Variants in OIT3 observed in about 807,000 individuals in gnomAD.
The protein encoded by OIT3 is oncoprotein-induced transcript 3 protein.
In OIT3, 41 loss-of-function variants were observed where a neutral mutation model predicts 52.2. That is an observed-to-expected ratio of 0.79 (90% CI 0.61 to 1.02). OIT3 has a LOEUF of 1.02. Ranked by LOEUF, OIT3 falls within the 50% of genes least tolerant of loss-of-function variation. The pLI is 0.00. For missense variants in OIT3, 634 were observed against 715.5 expected (o/e 0.89, Z 1.30); for synonymous variants, 244 against 276.9 (o/e 0.88, Z 1.18).
At position 72,893,825 on chromosome 10, in the gene OIT3, C is replaced by T. The variant is rs748970796; in HGVS notation, c.27C>T (p.Cys9=). 6.2e-7 allele frequency: 1 copy of T among 1,610,606 alleles called. No individual in the cohort carries two copies. The highest frequency in any genetic ancestry group is 8.5e-7 in the Non-Finnish European group (1 of 1,178,506). MPPFLLLT[C]LFITGTSVSP... ...TGCCTCCATTCCTGCTTCTCACCTG[C>T]CTCTTCATCACAGGCACCTCCGTGT... is the stretch of plus-strand genomic sequence containing the variant. Residue 9 remains cysteine (C), a synonymous_variant, in exon 1 of 9, where the codon TGC becomes TGT. Transcript: ENST00000334011.
At chr10:72,918,014 ATCT>A in intron 6 of OIT3, 2 of 819,736 alleles carry the variant, frequency 2.4e-6, no homozygotes, top group Non-Finnish European at 4.2e-6. Context: ...CATCATCTTC[ATCT>A]TCTTCATCGT....
chr10:72,920,122 C>T (rs904648524), intron 6 of OIT3, among the ~76,000 whole-genome samples: 4 of 151,986 alleles, frequency 2.6e-5, no homozygotes, highest in African/African-American at 9.7e-5. Context: ...AATTTCAGAG[C>T]CTCATTGTTG....
chr10:72,898,638 C>T (rs1402634502), intron 1 of OIT3, 26 bp from the exon 2 acceptor site: 1 of 1,582,462 alleles, frequency 6.3e-7, no homozygotes, highest in Admixed American at 1.7e-5. Context: ...ACTCCAGGTA[C>T]TCTGAGGTAT....
Position 72,924,348 on chromosome 10 carries a change from G to A in OIT3, c.1071G>A (p.Glu357=). The A allele has an allele frequency of 6.2e-7, 1 of 1,614,170 alleles. No individual in the cohort carries two copies. Among genetic ancestry groups the A allele is most frequent in the Non-Finnish European group, 8.5e-7 (1 of 1,180,028 alleles). ...TSKLLIPVTC[E]FPRLYTISEG... ...AGCTGCTGATCCCGGTGACCTGCGA[G>A]TTTCCACGCCTGTACACCATTTCTG... The change falls in exon 7 of 9, where the codon GAG becomes GAA. Residue 357 remains glutamate (E), a synonymous_variant. Coordinates refer to ENST00000334011, the MANE Select transcript of OIT3 (RefSeq NM_152635.3).
At chr10:72,924,726 A>G (rs563175228) in intron 7 of OIT3, 82 bp downstream of exon 7, 8 of 1,121,438 alleles carry the variant, frequency 7.1e-6, no homozygotes, top group Middle Eastern at 5.2e-4. Context: ...TCATTTACTA[A>G]AACTGCATGG....
intron 6 of OIT3, among the ~76,000 whole-genome samples, chr10:72,921,675 C>CTT (rs34710217): frequency 1.5e-5 from 2 of 133,376 alleles, no homozygotes; most frequent in African/African-American, 2.7e-5. Flanking sequence ...TTCTTTCTTT[C>CTT]TTTTTTTTTT....
intron 7 of OIT3, 96 bp from the exon 8 acceptor site, chr10:72,930,442 C>T: frequency 3.4e-6 from 3 of 870,554 alleles, no homozygotes; most frequent in Non-Finnish European, 5.9e-6. Context: ...CCTCCTCCAC[C>T]CCTTTGGCTC....
intron 6 of OIT3, among the ~76,000 whole-genome samples, chr10:72,914,468 T>C (rs1375362316): frequency 6.6e-6 from 1 of 152,206 alleles, no homozygotes; most frequent in Admixed American, 6.5e-5. Flanking sequence ...AGAAAGCTGA[T>C]TCGACTTGCA....
chr10:72,893,899 G>A (rs755357435), intron 1 of OIT3, 40 bp downstream of exon 1: 3 of 1,506,366 alleles, frequency 2.0e-6, no homozygotes, highest in South Asian at 1.2e-5. Context: ...TGCACTTTTT[G>A]TTGTGGCAAT....
At chr10:72,896,573 G>A (rs186483442) in intron 1 of OIT3, among the ~76,000 whole-genome samples, 94 of 152,270 alleles carry the variant, frequency 6.2e-4, no homozygotes, top group Non-Finnish European at 1.0e-3. Flanking sequence ...TATTTTCTTG[G>A]AGGCCATTAG....
chr10:72,918,461 A>C, intron 6 of OIT3: 1 of 922,746 alleles, frequency 1.1e-6, no homozygotes, highest in Non-Finnish European at 1.8e-6. Context: ...CATCTTTGTC[A>C]GCCTTAATTC....
intron 6 of OIT3, chr10:72,917,929 CTT>C: frequency 1.9e-6 from 2 of 1,052,344 alleles, no homozygotes; most frequent in Non-Finnish European, 2.9e-6. Flanking sequence ...GCTGGAGTAT[CTT>C]GTATAGATTT....
chr10:72,899,107 A>T (rs1051977641), intron 2 of OIT3, 69 bp downstream of exon 2: 4 of 1,425,790 alleles, frequency 2.8e-6, no homozygotes, highest in East Asian at 4.6e-5. Flanking sequence ...AGTGCCAATT[A>T]TAGGATATGC....
chr10:72,898,329 C>CA (rs1291002999), intron 1 of OIT3, among the ~76,000 whole-genome samples: 1 of 152,090 alleles, frequency 6.6e-6, no homozygotes, highest in Non-Finnish European at 1.5e-5. Flanking sequence ...ACAAAATACT[C>CA]AGAGTGTGGT....
At chr10:72,901,362 T>C (rs1589521289) in intron 3 of OIT3, among the ~76,000 whole-genome samples, 3 of 152,292 alleles carry the variant, frequency 2.0e-5, no homozygotes, top group South Asian at 4.1e-4. Context: ...AAATCCAGAG[T>C]TCTTGAATTT....
At chr10:72,925,162 C>T (rs951793578) in intron 7 of OIT3, among the ~76,000 whole-genome samples, 8 of 147,926 alleles carry the variant, frequency 5.4e-5, no homozygotes, top group Non-Finnish European at 1.0e-4. Flanking sequence ...ACCCAGGTGA[C>T]TGACTAGATG....
chr10:72,903,950 CA>C (rs1301593793), intron 3 of OIT3, among the ~76,000 whole-genome samples: 2 of 151,778 alleles, frequency 1.3e-5, no homozygotes, highest in East Asian at 1.9e-4. Context: ...TTTCTGCCTC[CA>C]AAAAAAGAAG....
At chr10:72,920,868 T>C (rs987549003) in intron 6 of OIT3, among the ~76,000 whole-genome samples, 17 of 152,338 alleles carry the variant, frequency 1.1e-4, no homozygotes, top group Admixed American at 1.1e-3. Flanking sequence ...TTAGAGTAAG[T>C]ATCATATGGT....
chr10:72,899,520 G>A (rs1016955166), intron 2 of OIT3, among the ~76,000 whole-genome samples: 35 of 151,780 alleles, frequency 2.3e-4, no homozygotes, highest in African/African-American at 5.8e-4. Flanking sequence ...GCTTGAACCC[G>A]GGAGGTGGAC....
Sources: gnomAD v4.1 joint callset for allele counts (sites outside exome capture counted in the v4.1 genomes callset) on GRCh38, gnomAD v4.1.1 for gene constraint, MANE v1.5 for transcripts, NCBI Gene and HGNC (gene_info 2026-07-23, HGNC 2026-07-21) for gene names.